The following ITPRID1 variants were observed in gnomAD, a reference collection of about 807,000 sequenced individuals.
The protein encoded by ITPRID1 is protein ITPRID1.
In ITPRID1, 96 loss-of-function variants were observed where a neutral mutation model predicts 95.4. That is an observed-to-expected ratio of 1.01 (90% CI 0.85 to 1.19). The LOEUF is 1.19. ITPRID1 is among the 50% of genes most tolerant of loss of function. The pLI is 0.00. For synonymous variants in ITPRID1, 510 were observed against 453.6 expected, an observed-to-expected ratio of 1.12 and a Z score of -1.58; for missense variants, 1,339 against 1,252.9, an observed-to-expected ratio of 1.07 and a Z score of -1.04.
chr7:31,520,795 C>T (rs1363070762), intron 1 of ITPRID1, among the ~76,000 whole-genome samples: 2 of 151,924 alleles, frequency 1.3e-5, no homozygotes, highest in Non-Finnish European at 2.9e-5. Flanking sequence ...TACATATACC[C>T]ATGAAACTTC....
rs780901283 is a variant in ITPRID1 at position 31,652,762 on chromosome 7, CAA to C, written c.3070_3071del (p.Lys1024ValfsTer40). ...ATGTCTCCTTCATCATCAGCTTGGGCAAAGTTAGGTCCAACCCCTTTGTCAAA... is the reference window on the plus strand; with the variant it reads ...ATGTCTCCTTCATCATCAGCTTGGGCAGTTAGGTCCAACCCCTTTGTCAAA... On this transcript the variant is annotated frameshift_variant, in exon 15 of 15. Coordinates refer to ENST00000615280, the MANE Select transcript of ITPRID1 (RefSeq NM_001257967.3). LOFTEE classifies it low-confidence loss of function (END_TRUNC). The C allele has an allele frequency of 6.2e-7, 1 of 1,613,912 alleles. No individual in the cohort carries two copies. The highest frequency in any genetic ancestry group is 1.3e-5 in the African/African-American group (1 of 75,026).
intron 1 of ITPRID1, among the ~76,000 whole-genome samples, chr7:31,521,706 C>T (rs1228647734): frequency 4.5e-5 from 4 of 88,916 alleles, no homozygotes; most frequent in African/African-American, 1.9e-4. Flanking sequence ...TCCCTCCCTC[C>T]CTCCCTTCCT....
intron 10 of ITPRID1, among the ~76,000 whole-genome samples, chr7:31,637,147 T>C (rs985903392): frequency 1.3e-5 from 2 of 151,958 alleles, no homozygotes; most frequent in Non-Finnish European, 2.9e-5. Context: ...TGTTGGACAT[T>C]TGGGTTGGTT....
At chr7:31,598,442 C>T (rs1161016899) in intron 10 of ITPRID1, among the ~76,000 whole-genome samples, 4 of 121,682 alleles carry the variant, frequency 3.3e-5, no homozygotes, top group Non-Finnish European at 6.3e-5. Flanking sequence ...CTCGCTCTGT[C>T]ACCCAGGCTG....
rs568184446 is a variant in ITPRID1 at position 31,554,488 on chromosome 7, A to G, written c.177A>G (p.Gln59=). 28 of 1,612,920 alleles carry G rather than the reference A, an allele frequency of 1.7e-5. No individual in the cohort carries two copies. The South Asian group carries it at 2.9e-4, about 16-fold the overall frequency. Residue 59 remains glutamine (Q), a synonymous_variant, in exon 4 of 15, where the codon CAA becomes CAG. Coordinates refer to ENST00000615280, the MANE Select transcript of ITPRID1 (RefSeq NM_001257967.3). Reference sequence around the variant, plus strand: ...TCTTACTTGTAGAAGATTCCAAGCAAGAAAGTATTCAGCAGTGGCTGGACT... The same window carrying G: ...TCTTACTTGTAGAAGATTCCAAGCAGGAAAGTATTCAGCAGTGGCTGGACT... ...LTIPMLEDSK[Q]ESIQQWLDSG... is the part of the protein sequence containing the mutation.
At chr7:31,612,974 C>G (rs943708120) in intron 10 of ITPRID1, among the ~76,000 whole-genome samples, 1 of 152,184 alleles carries the variant, frequency 6.6e-6, no homozygotes, top group African/African-American at 2.4e-5. Context: ...TTTAAACATA[C>G]ACCCTGCTGG....
intron 6 of ITPRID1, 111 bp downstream of exon 6, chr7:31,569,920 C>G: frequency 1.2e-6 from 1 of 807,414 alleles, no homozygotes; most frequent in Non-Finnish European, 1.9e-6. Flanking sequence ...CTTGGGATCT[C>G]GTGAAAGGTA....
rs139329071 is a variant in ITPRID1 at position 31,547,356 on chromosome 7, A to G, written c.-97-2070A>G. On this transcript the variant is annotated intron_variant, in intron 1 of 14. Coordinates refer to ENST00000615280, the MANE Select transcript of ITPRID1 (RefSeq NM_001257967.3). ...AGAGGTTTAATTGACTCACAGTTCCACAGGGCTGGGGAGGCCTCAGGAAAC... is the reference window on the plus strand; with the variant it reads ...AGAGGTTTAATTGACTCACAGTTCCGCAGGGCTGGGGAGGCCTCAGGAAAC... Among the ~76,000 whole-genome samples the G allele has an allele frequency of 4.9e-3, 742 of 152,292 alleles. 5 individuals carry two copies. Among genetic ancestry groups the G allele is most frequent in the African/African-American group, 0.017 (708 of 41,562 alleles).
intron 10 of ITPRID1, among the ~76,000 whole-genome samples, chr7:31,607,493 C>G (rs1229959687): frequency 6.6e-6 from 1 of 152,060 alleles, no homozygotes; most frequent in Admixed American, 6.6e-5. Flanking sequence ...ATTCTGAAGG[C>G]CTTGCTCCAT....
At chr7:31,613,741 C>T (rs1317309150) in intron 10 of ITPRID1, among the ~76,000 whole-genome samples, 1 of 152,140 alleles carries the variant, frequency 6.6e-6, no homozygotes, top group East Asian at 1.9e-4. Flanking sequence ...TGTTAAATAA[C>T]CAACAGCACT....
chr7:31,519,085 G>A (rs1783134854), intron 1 of ITPRID1, among the ~76,000 whole-genome samples: 1 of 152,142 alleles, frequency 6.6e-6, no homozygotes, highest in Admixed American at 6.5e-5. Flanking sequence ...GCAGTGACTT[G>A]TCCGAGATTG....
intron 10 of ITPRID1, among the ~76,000 whole-genome samples, chr7:31,591,486 A>G (rs1228285956): frequency 6.6e-6 from 1 of 152,230 alleles, no homozygotes; most frequent in African/African-American, 2.4e-5. Context: ...ATATTAGCAA[A>G]CCGAGTATTT....
intron 10 of ITPRID1, among the ~76,000 whole-genome samples, chr7:31,594,316 CT>C: frequency 6.6e-6 from 1 of 152,216 alleles, no homozygotes; most frequent in East Asian, 1.9e-4. Context: ...GAATGTGTCC[CT>C]GTTGTTAGAT....
chr7:31,569,259 C>T (rs2128142664), intron 5 of ITPRID1, among the ~76,000 whole-genome samples: 1 of 152,288 alleles, frequency 6.6e-6, no homozygotes, highest in Middle Eastern at 3.4e-3. Context: ...ATGCTTCATA[C>T]ATGCTGGGCC....
At chr7:31,619,192 C>A (rs1787561741) in intron 10 of ITPRID1, among the ~76,000 whole-genome samples, 1 of 152,080 alleles carries the variant, frequency 6.6e-6, no homozygotes, top group African/African-American at 2.4e-5. Flanking sequence ...GGCAAGGTGT[C>A]CTTTCTATGT....
chr7:31,601,744 A>C (rs780169586), intron 10 of ITPRID1, among the ~76,000 whole-genome samples: 5 of 152,176 alleles, frequency 3.3e-5, no homozygotes, highest in Non-Finnish European at 7.3e-5. Context: ...GAGAGTGCCC[A>C]TCTCTTTTGT....
At chr7:31,608,739 A>G (rs546462643) in intron 10 of ITPRID1, among the ~76,000 whole-genome samples, 173 of 151,836 alleles carry the variant, frequency 1.1e-3, no homozygotes, top group African/African-American at 4.0e-3. Flanking sequence ...TTCATTTATT[A>G]GTTCTAATAA....
intron 10 of ITPRID1, among the ~76,000 whole-genome samples, chr7:31,602,023 A>G (rs1786414205): frequency 6.6e-6 from 1 of 151,750 alleles, no homozygotes. Flanking sequence ...TAACTGCAGC[A>G]GGCTTTATGA....
Position 31,572,345 on chromosome 7 carries a change from G to A in ITPRID1, c.395+157G>A, listed in dbSNP as rs543868147. On this transcript the variant is annotated intron_variant, in intron 7 of 14. Coordinates refer to ENST00000615280, the MANE Select transcript of ITPRID1 (RefSeq NM_001257967.3). Reference sequence around the variant, plus strand: ...GCAATAACAATATAAAAGAGTTAAAGGAGTTAATAAAATTGGAAACAGACT... The same window carrying A: ...GCAATAACAATATAAAAGAGTTAAAAGAGTTAATAAAATTGGAAACAGACT... Among the ~76,000 whole-genome samples the A allele has an allele frequency of 1.9e-3, 288 of 152,274 alleles. 2 individuals carry two copies. The highest frequency in any genetic ancestry group is 3.4e-3 in the Non-Finnish European group (233 of 68,014).
Sources: gnomAD v4.1 joint callset for allele counts (sites outside exome capture counted in the v4.1 genomes callset) on GRCh38, gnomAD v4.1.1 for gene constraint, MANE v1.5 for transcripts, NCBI Gene and HGNC (gene_info 2026-07-23, HGNC 2026-07-21) for gene names.